The following SLAMF7 variants were observed in gnomAD, a reference collection of about 807,000 sequenced individuals.
SLAMF7 encodes SLAM family member 7, also known as 19A24 protein.
SLAMF7 carries 26 observed loss-of-function variants against 34.1 expected under a neutral mutation model. The observed-to-expected ratio is 0.76, with a 90% confidence interval of 0.56 to 1.06. The LOEUF (loss-of-function observed/expected upper bound fraction) is 1.06, where lower values mean the gene tolerates loss of function less well. Among genes scored for constraint, SLAMF7 ranks in the 50% least tolerant of loss-of-function variants. SLAMF7 has a pLI of 0.00. For missense variants in SLAMF7, 399 were observed against 402.5 expected, an observed-to-expected ratio of 0.99 and a Z score of 0.07; for synonymous variants, 171 against 156.4, an observed-to-expected ratio of 1.09 and a Z score of -0.70.
At chr1:160,750,224 G>C in intron 3 of SLAMF7, 80 bp from the exon 4 acceptor site, 4 of 1,584,962 alleles carry the variant, frequency 2.5e-6, no homozygotes, top group Non-Finnish European at 3.4e-6. Context: ...TGGGAGGAAG[G>C]TGGCAGGTGC....
intron 4 of SLAMF7, 124 bp from the exon 5 acceptor site, chr1:160,751,221 T>C (rs1664545155): frequency 4.2e-6 from 3 of 719,066 alleles, no homozygotes; most frequent in Non-Finnish European, 7.5e-6. Flanking sequence ...CTGAAAACCC[T>C]TCCATTACAA....
Position 160,753,145 on chromosome 1 carries a change from C to T in SLAMF7, c.976C>T (p.Pro326Ser). Reference protein sequence around the residue: ...PHSLLTMPDTPRLFAYENVI With the variant: ...PHSLLTMPDTSRLFAYENVI ...CTCACTGCTCACGATGCCAGACACA[C>T]CAAGGCTATTTGCCTATGAGAATGT... The change falls in exon 7 of 7, where the codon CCA becomes TCA. Residue 326 changes from proline to serine, a missense_variant. Transcript: ENST00000368043. The T allele has an allele frequency of 1.2e-6, 2 of 1,613,544 alleles. No homozygotes were observed. The highest frequency in any genetic ancestry group is 1.1e-5 in the South Asian group (1 of 91,080).
chr1:160,745,888 T>C (rs1232021249), intron 1 of SLAMF7, among the ~76,000 whole-genome samples: 6 of 152,204 alleles, frequency 3.9e-5, no homozygotes, highest in Admixed American at 3.3e-4. Flanking sequence ...ACATGACAAC[T>C]CTTATAATTT....
intron 6 of SLAMF7, 81 bp downstream of exon 6, chr1:160,752,329 C>A: frequency 1.8e-6 from 2 of 1,119,580 alleles, no homozygotes; most frequent in Non-Finnish European, 2.7e-6. Flanking sequence ...ATTTCTTGGA[C>A]CCAGGTATCT....
chr1:160,741,599 G>T (rs1663747771), intron 1 of SLAMF7, among the ~76,000 whole-genome samples: 1 of 151,990 alleles, frequency 6.6e-6, no homozygotes, highest in Non-Finnish European at 1.5e-5. Context: ...TTTATGGAAT[G>T]AAATTTTACA....
chr1:160,752,405 A>T (rs917616870), intron 6 of SLAMF7, among the ~76,000 whole-genome samples, 157 bp downstream of exon 6: 5 of 152,312 alleles, frequency 3.3e-5, no homozygotes, highest in Non-Finnish European at 5.9e-5. Flanking sequence ...GTTATACAAG[A>T]ACATGGGGGA....
chr1:160,741,044 T>A (rs1663704163), intron 1 of SLAMF7, among the ~76,000 whole-genome samples: 1 of 152,170 alleles, frequency 6.6e-6, no homozygotes, highest in Non-Finnish European at 1.5e-5. Context: ...TGGGGTTTCT[T>A]CCCTCTCCAG....
chr1:160,742,504 C>T (rs757926684), intron 1 of SLAMF7, among the ~76,000 whole-genome samples: 4 of 152,224 alleles, frequency 2.6e-5, no homozygotes, highest in African/African-American at 9.7e-5. Flanking sequence ...TCCTCAAGGC[C>T]TGACTCTCAT....
At chr1:160,750,697 G>C (rs1410543437) in intron 4 of SLAMF7, 2 of 329,828 alleles carry the variant, frequency 6.1e-6, no homozygotes, top group Non-Finnish European at 1.1e-5. Flanking sequence ...GGGACATCCT[G>C]ATGTGGCTCT....
chr1:160,751,378 G>T lies in SLAMF7; in HGVS notation c.803G>T (p.Cys268Phe), dbSNP rs1664564936. 1.2e-6 allele frequency: 2 copies of T among 1,613,938 alleles called. No homozygotes were observed. The highest frequency in any genetic ancestry group is 1.7e-6 in the Non-Finnish European group (2 of 1,179,884). ...GAAGAGAAGAAGAGAGTGGACATTTGTCGGGAAACTCCTAACATATGCCCC... is the reference window on the plus strand; with the variant it reads ...GAAGAGAAGAAGAGAGTGGACATTTTTCGGGAAACTCCTAACATATGCCCC... Reference protein sequence around the residue: ...YIEEKKRVDICRETPNICPHS... With the variant: ...YIEEKKRVDIFRETPNICPHS... The change falls in exon 5 of 7, where the codon TGT (cysteine) becomes TTT (phenylalanine). Residue 268 changes from cysteine (C) to phenylalanine (F), a missense_variant. Physicochemically the swap from Cys to Phe is radical, Grantham distance 205. Transcript: ENST00000368043.
At chr1:160,739,528 A>C (rs1663563417) in intron 1 of SLAMF7, 172 bp downstream of exon 1, 2 of 574,682 alleles carry the variant, frequency 3.5e-6, no homozygotes, top group Non-Finnish European at 6.1e-6. Context: ...AAGAGACTAG[A>C]GAGAGGGGGA....
chr1:160,745,545 C>T (rs1047896159), intron 1 of SLAMF7, among the ~76,000 whole-genome samples: 1 of 152,160 alleles, frequency 6.6e-6, no homozygotes, highest in Non-Finnish European at 1.5e-5. Context: ...GTTTGAATCT[C>T]AATTTTCTCA....
intron 1 of SLAMF7, 193 bp downstream of exon 1, chr1:160,739,549 T>C (rs2101647051): frequency 3.8e-6 from 2 of 531,826 alleles, no homozygotes; most frequent in East Asian, 6.7e-5. Context: ...AAAATGGCTC[T>C]GGGAACTGAC....
intron 1 of SLAMF7, among the ~76,000 whole-genome samples, chr1:160,746,986 C>T (rs540783598): frequency 3.0e-4 from 46 of 152,172 alleles, no homozygotes; most frequent in Non-Finnish European, 5.0e-4. Context: ...AATCAAAATC[C>T]GCATGCTCTC....
intron 1 of SLAMF7, 100 bp from the exon 2 acceptor site, chr1:160,748,094 C>A: frequency 8.2e-7 from 1 of 1,216,312 alleles, no homozygotes; most frequent in Non-Finnish European, 1.1e-6. Context: ...TTGTGTTGGA[C>A]TGAGTGGGTT....
Position 160,748,267 on chromosome 1 carries a change from CA to C in SLAMF7, c.132del (p.Val45Ter), listed in dbSNP as rs1315186221. The C allele has an allele frequency of 9.3e-6, 15 of 1,614,014 alleles. No individual in the cohort carries two copies. The highest frequency in any genetic ancestry group is 1.2e-5 in the Non-Finnish European group (14 of 1,179,956). ...GGGCCGTGACTTTCCCCCTGAAGTC[CA>C]AAGTAAAGCAAGTTGACTCTATTGT... ...GGAVTFPLKSKVKQVDSIVWT... is the reference protein window; with the variant it reads ...GGAVTFPLKSXVKQVDSIVWT... On this transcript the variant is annotated frameshift_variant, in exon 2 of 7. Coordinates refer to ENST00000368043, the MANE Select transcript of SLAMF7 (RefSeq NM_021181.5). LOFTEE classifies it high-confidence loss of function.
chr1:160,748,507 T>C lies in SLAMF7; in HGVS notation c.369T>C (p.His123=), dbSNP rs766862220. Residue 123 remains histidine (H), a synonymous_variant, in exon 2 of 7, where the codon CAT becomes CAC. Coordinates refer to ENST00000368043, the MANE Select transcript of SLAMF7 (RefSeq NM_021181.5). ...QQPSTQEYVL[H]VYEHLSKPKV... ...CCTCCACCCAGGAGTACGTGCTGCATGTCTACGGTGAGCAAAATCAGTTCC... is the reference window on the plus strand; with the variant it reads ...CCTCCACCCAGGAGTACGTGCTGCACGTCTACGGTGAGCAAAATCAGTTCC... 1.2e-5 allele frequency: 19 copies of C among 1,608,522 alleles called. No individual in the cohort carries two copies. The highest frequency in any genetic ancestry group is 1.4e-5 in the Non-Finnish European group (17 of 1,175,886).
In SLAMF7 at chr1:160,739,346, G is replaced by T; in HGVS notation, c.45G>T (p.Trp15Cys). The T allele has an allele frequency of 3.7e-6, 6 of 1,613,492 alleles. No individual in the cohort carries two copies. Among genetic ancestry groups the T allele is most frequent in the Non-Finnish European group, 5.1e-6 (6 of 1,179,688 alleles). Residue 15 changes from tryptophan to cysteine, a missense_variant, in exon 1 of 7, where the codon TGG (tryptophan) becomes TGT (cysteine). Transcript: ENST00000368043. ...PTCLTLIYIL[W>C]QLTGSAASGP... ...GCCTCACCCTCATCTATATCCTTTG[G>T]CAGCTCACAGGTGAGTCCGGCCGGA...
In SLAMF7 at chr1:160,750,357, C is replaced by G; in HGVS notation, c.703C>G (p.Pro235Ala). ...SMVLLCLLLVPLLLSLFVLGL... is the reference protein window; with the variant it reads ...SMVLLCLLLVALLLSLFVLGL... ...GGTCCTCCTGTGTCTCCTGTTGGTG[C>G]CCCTCCTGCTCAGTCTCTTTGTACT... is the stretch of plus-strand genomic sequence containing the variant. The change falls in exon 4 of 7, where the codon CCC becomes GCC. Residue 235 changes from proline to alanine, a missense_variant. By Grantham distance (27) the Pro-to-Ala change is conservative. Transcript: ENST00000368043. 6.2e-7 allele frequency: 1 copy of G among 1,614,092 alleles called. No homozygotes were observed. The highest frequency in any genetic ancestry group is 8.5e-7 in the Non-Finnish European group (1 of 1,179,940).
Sources: allele counts gnomAD v4.1 joint callset (sites outside exome capture counted in the v4.1 genomes callset), GRCh38; gene constraint gnomAD v4.1.1; transcripts MANE v1.5; gene names NCBI Gene and HGNC (gene_info 2026-07-23, HGNC 2026-07-21).